The following REDIC1 variants were observed in gnomAD, a reference collection of about 807,000 sequenced individuals.
The protein encoded by REDIC1 is regulator of DNA class I crossover intermediates 1.
At chr12:39,646,590 AT>A in the REDIC1 span, 1 of 855,138 alleles carries the variant, frequency 1.2e-6, no homozygotes, top group Non-Finnish European at 1.7e-6. Flanking sequence ...TGTTAACAGT[AT>A]TATGCAATGA....
At chr12:39,673,819 C>A in the REDIC1 span, among the ~76,000 whole-genome samples, 1 of 152,104 alleles carries the variant, frequency 6.6e-6, no homozygotes, top group African/African-American at 2.4e-5. Flanking sequence ...TATTTCTTAT[C>A]CACTGTATTT....
At chr12:39,826,854 ATTTT>A in the REDIC1 span, among the ~76,000 whole-genome samples, 7 of 67,414 alleles carry the variant, frequency 1.0e-4, no homozygotes, top group African/African-American at 4.2e-4. Flanking sequence ...GTCTCTTTCA[ATTTT>A]TTTTTTTTTT....
the REDIC1 span, among the ~76,000 whole-genome samples, chr12:39,905,099 A>G: frequency 6.6e-6 from 1 of 152,170 alleles, no homozygotes; most frequent in South Asian, 2.1e-4. Flanking sequence ...ACTTCTGTTC[A>G]TATGAACAAT....
At chr12:39,899,831 C>A in the REDIC1 span, among the ~76,000 whole-genome samples, 1 of 152,112 alleles carries the variant, frequency 6.6e-6, no homozygotes, top group Admixed American at 6.6e-5. Flanking sequence ...TTTGATTGCA[C>A]TGTGGTCTGA....
At chr12:39,700,092 T>A in the REDIC1 span, among the ~76,000 whole-genome samples, 1 of 152,148 alleles carries the variant, frequency 6.6e-6, no homozygotes, top group East Asian at 1.9e-4. Flanking sequence ...GGACGGAGAA[T>A]GACTTTGACG....
chr12:39,700,560 A>G, the REDIC1 span, among the ~76,000 whole-genome samples: 1 of 151,974 alleles, frequency 6.6e-6, no homozygotes, highest in Non-Finnish European at 1.5e-5. Context: ...GCAGGCCAAC[A>G]TTCAGATTCA....
At chr12:39,799,632 T>C in the REDIC1 span, among the ~76,000 whole-genome samples, 1 of 151,902 alleles carries the variant, frequency 6.6e-6, no homozygotes, top group East Asian at 1.9e-4. Flanking sequence ...GTCAAAAAGA[T>C]TGGAAAAATC....
the REDIC1 span, among the ~76,000 whole-genome samples, chr12:39,822,307 C>A: frequency 6.6e-6 from 1 of 152,136 alleles, no homozygotes; most frequent in African/African-American, 2.4e-5. Flanking sequence ...CTATGTGACA[C>A]AATATCCTAT....
At chr12:39,791,218 A>G in the REDIC1 span, among the ~76,000 whole-genome samples, 4 of 150,034 alleles carry the variant, frequency 2.7e-5, no homozygotes, top group East Asian at 6.0e-4. Flanking sequence ...TTGATGGGAC[A>G]TATTTCAAAA....
chr12:39,873,814 A>T, the REDIC1 span, among the ~76,000 whole-genome samples: 1 of 152,198 alleles, frequency 6.6e-6, no homozygotes, highest in Non-Finnish European at 1.5e-5. Flanking sequence ...TATTTTAGGT[A>T]CTTAAGTTAT....
chr12:39,808,971 A>G, the REDIC1 span, among the ~76,000 whole-genome samples: 7 of 152,030 alleles, frequency 4.6e-5, no homozygotes, highest in Non-Finnish European at 8.8e-5. Context: ...TTTGTGTCCT[A>G]TCTACTTGCT....
chr12:39,702,942 TA>T, the REDIC1 span, among the ~76,000 whole-genome samples: 2 of 152,116 alleles, frequency 1.3e-5, no homozygotes, highest in African/African-American at 4.8e-5. Flanking sequence ...TTCAAAATAA[TA>T]AGAGCTATCT....
At chr12:39,882,857 G>A in the REDIC1 span, among the ~76,000 whole-genome samples, 1 of 152,030 alleles carries the variant, frequency 6.6e-6, no homozygotes, top group African/African-American at 2.4e-5. Flanking sequence ...ACACCACTTT[G>A]TTTCTGGTAC....
the REDIC1 span, among the ~76,000 whole-genome samples, chr12:39,704,071 A>G: frequency 6.6e-6 from 1 of 152,222 alleles, no homozygotes; most frequent in Non-Finnish European, 1.5e-5. Context: ...AAATTGACAA[A>G]TGCGATCTAA....
chr12:39,700,931 A>G, the REDIC1 span, among the ~76,000 whole-genome samples: 2 of 152,182 alleles, frequency 1.3e-5, no homozygotes, highest in Non-Finnish European at 2.9e-5. Flanking sequence ...GAGCTCCTGA[A>G]GGAAGCACTA....
the REDIC1 span, among the ~76,000 whole-genome samples, chr12:39,705,500 G>A: frequency 2.0e-5 from 3 of 152,014 alleles, no homozygotes; most frequent in African/African-American, 7.3e-5. Flanking sequence ...ACCAGACAAA[G>A]ACATCAAGAA....
the REDIC1 span, among the ~76,000 whole-genome samples, chr12:39,895,144 C>T: frequency 6.6e-6 from 1 of 152,066 alleles, no homozygotes; most frequent in Non-Finnish European, 1.5e-5. Flanking sequence ...CCTGGGACTA[C>T]AGGTGCATAT....
chr12:39,899,904 T>C, the REDIC1 span, among the ~76,000 whole-genome samples: 1 of 152,110 alleles, frequency 6.6e-6, no homozygotes, highest in Non-Finnish European at 1.5e-5. Flanking sequence ...CTTCCAACTA[T>C]GTGGTCAATT....
chr12:39,626,509 G>A, the REDIC1 span: 7 of 961,462 alleles, frequency 7.3e-6, no homozygotes, highest in South Asian at 4.9e-5. Context: ...GGAGACTCTA[G>A]AACCATATCT....
Sources: allele counts gnomAD v4.1 joint callset (sites outside exome capture counted in the v4.1 genomes callset), GRCh38; gene constraint gnomAD v4.1.1; transcripts MANE v1.5; gene names NCBI Gene and HGNC (gene_info 2026-07-23, HGNC 2026-07-21).